Variants in CYP4X1 observed in about 807,000 individuals in gnomAD.
The protein encoded by CYP4X1 is cytochrome P450 family 4 subfamily X member 1.
Under a neutral mutation model 57.9 loss-of-function variants are expected in CYP4X1, and 44 were observed. The observed-to-expected ratio is 0.76, with a 90% confidence interval of 0.60 to 0.98. The LOEUF (loss-of-function observed/expected upper bound fraction) is 0.98, where lower values mean the gene tolerates loss of function less well. Ranked by LOEUF, CYP4X1 falls within the 50% of genes least tolerant of loss-of-function variation. CYP4X1 has a pLI of 0.00. For missense variants in CYP4X1, 532 were observed against 623.9 expected, an observed-to-expected ratio of 0.85 and a Z score of 1.57; for synonymous variants, 227 against 228.6, an observed-to-expected ratio of 0.99 and a Z score of 0.06.
chr1:47,049,123 G>T (rs1288069517), intron 10 of CYP4X1, among the ~76,000 whole-genome samples: 1 of 152,178 alleles, frequency 6.6e-6, no homozygotes, highest in African/African-American at 2.4e-5. Flanking sequence ...TGGCCAGTTG[G>T]AATTGAGTTG....
chr1:46,992,868 T>A, the CYP4X1 span, among the ~76,000 whole-genome samples: 13 of 152,320 alleles, frequency 8.5e-5, no homozygotes, highest in African/African-American at 2.9e-4. Flanking sequence ...CAGCAATTTG[T>A]AAGAGTTCCA....
At chr1:47,029,927 G>A (rs368579169) in intron 1 of CYP4X1, 63 bp from the exon 2 acceptor site, 1 of 1,573,214 alleles carries the variant, frequency 6.4e-7, no homozygotes, top group East Asian at 2.2e-5. Flanking sequence ...AACTCAGCTT[G>A]TGTCTATAAG....
At chr1:47,054,598 G>T (rs2148519563), downstream of CYP4X1, among the ~76,000 whole-genome samples, 1 of 152,070 alleles carries the variant, frequency 6.6e-6, no homozygotes, top group East Asian at 1.9e-4. Flanking sequence ...ATTTCATTGA[G>T]CAGCGGTTTG....
the CYP4X1 span, among the ~76,000 whole-genome samples, chr1:46,965,416 ATGT>A: frequency 5.3e-5 from 8 of 151,112 alleles, no homozygotes; most frequent in Non-Finnish European, 1.2e-4. Context: ...TTTTTTGTTG[ATGT>A]TGTTGTTGTT....
chr1:47,052,282 T>G (rs1395104446), downstream of CYP4X1, among the ~76,000 whole-genome samples: 3 of 152,150 alleles, frequency 2.0e-5, no homozygotes, highest in Non-Finnish European at 4.4e-5. Context: ...ATGAAATCAT[T>G]TTTTCGAAAT....
chr1:46,964,747 C>T, the CYP4X1 span, among the ~76,000 whole-genome samples: 5 of 152,180 alleles, frequency 3.3e-5, no homozygotes, highest in African/African-American at 1.2e-4. Flanking sequence ...GCTGGGAGAA[C>T]CACTACTCTC....
chr1:46,996,423 T>A, the CYP4X1 span, among the ~76,000 whole-genome samples: 1 of 152,224 alleles, frequency 6.6e-6, no homozygotes, highest in African/African-American at 2.4e-5. Context: ...AGGTGTCAGG[T>A]TATCAACTAC....
the CYP4X1 span, among the ~76,000 whole-genome samples, chr1:47,010,186 AG>A: frequency 0.042 from 6,358 of 152,320 alleles, 435 homozygotes; most frequent in African/African-American, 0.15. Flanking sequence ...AACCGAATCC[AG>A]CAGCACATCA....
upstream of CYP4X1, among the ~76,000 whole-genome samples, chr1:47,020,362 T>C (rs1490823754): frequency 6.6e-6 from 1 of 152,212 alleles, no homozygotes; most frequent in Non-Finnish European, 1.5e-5. Context: ...CACTTCTCAA[T>C]AAATATTCAC....
intron 6 of CYP4X1, among the ~76,000 whole-genome samples, chr1:47,038,332 T>G (rs1557607008): frequency 6.6e-6 from 1 of 152,202 alleles, no homozygotes; most frequent in Non-Finnish European, 1.5e-5. Flanking sequence ...TTCTATTTCA[T>G]TCCATTTTAT....
chr1:46,965,126 G>A, the CYP4X1 span, among the ~76,000 whole-genome samples: 1 of 152,148 alleles, frequency 6.6e-6, no homozygotes, highest in African/African-American at 2.4e-5. Context: ...AATTTTCCAG[G>A]TGCCATCTGT....
Position 47,038,778 on chromosome 1 carries a change from A to G in CYP4X1, c.882+12A>G. The G allele has an allele frequency of 6.2e-7, 1 of 1,605,770 alleles. No homozygotes were observed. The highest frequency in any genetic ancestry group is 1.1e-5 in the South Asian group (1 of 89,518). ...TCCTTTCTGCCAAGGTAAATCTTCT[A>G]AATTTCTAAGCCTGCTCAAGTGACC... is the stretch of plus-strand genomic sequence containing the variant. On this transcript the variant is annotated intron_variant, in intron 7 of 11. Coordinates refer to ENST00000371901, the MANE Select transcript of CYP4X1 (RefSeq NM_178033.2).
At chr1:47,001,465 G>C in the CYP4X1 span, among the ~76,000 whole-genome samples, 1 of 152,116 alleles carries the variant, frequency 6.6e-6, no homozygotes, top group Non-Finnish European at 1.5e-5. Context: ...CCCTTTATAG[G>C]GAGACCGACA....
the CYP4X1 span, among the ~76,000 whole-genome samples, chr1:47,013,675 A>G: frequency 2.0e-5 from 3 of 151,026 alleles, no homozygotes; most frequent in African/African-American, 7.4e-5. Context: ...ATAGCAATTT[A>G]TTTAATTTGA....
At chr1:47,000,526 C>T in the CYP4X1 span, among the ~76,000 whole-genome samples, 2 of 152,078 alleles carry the variant, frequency 1.3e-5, no homozygotes, top group African/African-American at 4.8e-5. Context: ...ACCTCCAGAA[C>T]TATAAGAGAA....
chr1:46,977,025 A>G, the CYP4X1 span, among the ~76,000 whole-genome samples: 150 of 152,294 alleles, frequency 9.8e-4, no homozygotes, highest in African/African-American at 3.1e-3. Context: ...GAGAAACCAG[A>G]GCAGGAAAGC....
chr1:46,961,916 G>T, the CYP4X1 span, among the ~76,000 whole-genome samples: 1 of 152,136 alleles, frequency 6.6e-6, no homozygotes. Flanking sequence ...CAGAGAAGGG[G>T]AGAGGAGAGC....
chr1:47,017,034 C>T, the CYP4X1 span, among the ~76,000 whole-genome samples: 1 of 152,160 alleles, frequency 6.6e-6, no homozygotes, highest in South Asian at 2.1e-4. Context: ...GACAGGATCT[C>T]ATTCTTTTTT....
At chr1:46,987,778 A>G in the CYP4X1 span, among the ~76,000 whole-genome samples, 3 of 152,346 alleles carry the variant, frequency 2.0e-5, no homozygotes, top group East Asian at 3.9e-4. Flanking sequence ...CTGCTCCTGA[A>G]TGACTACTGG....
Sources: gnomAD v4.1 joint callset for allele counts (sites outside exome capture counted in the v4.1 genomes callset) on GRCh38, gnomAD v4.1.1 for gene constraint, MANE v1.5 for transcripts, NCBI Gene and HGNC (gene_info 2026-07-23, HGNC 2026-07-21) for gene names.